SHISA9: variants seen among roughly 807,000 people sequenced by gnomAD.
SHISA9 encodes the protein shisa family member 9, also known as protein shisa-9.
SHISA9 carries 13 observed loss-of-function variants against 38.0 expected under a neutral mutation model. The observed-to-expected ratio is 0.34, with a 90% CI of 0.22 to 0.54. SHISA9 has a LOEUF of 0.54. Among genes scored for constraint, SHISA9 ranks in the 20% least tolerant of loss-of-function variants. The pLI is 0.91. For missense variants in SHISA9, 538 were observed against 575.8 expected (o/e 0.93, Z 0.67); for synonymous variants, 275 against 242.0 (o/e 1.14, Z -1.27).
the SHISA9 span, among the ~76,000 whole-genome samples, chr16:13,504,927 C>T: frequency 6.6e-6 from 1 of 152,146 alleles, no homozygotes; most frequent in Admixed American, 6.5e-5. Context: ...ACCCCACTTC[C>T]ATCCCACTGC....
intron 2 of SHISA9, among the ~76,000 whole-genome samples, chr16:13,008,328 G>A (rs1168624638): frequency 2.0e-5 from 3 of 152,096 alleles, no homozygotes. Flanking sequence ...CTGAACTGGG[G>A]CTTCCTGGGA....
the SHISA9 span, among the ~76,000 whole-genome samples, chr16:13,359,958 C>A: frequency 1.3e-5 from 2 of 152,286 alleles, no homozygotes; most frequent in Admixed American, 1.3e-4. Context: ...GATAGAGTTT[C>A]ATCTGTGCAT....
chr16:13,003,491 C>T (rs189130840), intron 2 of SHISA9, among the ~76,000 whole-genome samples: 24 of 152,278 alleles, frequency 1.6e-4, no homozygotes, highest in East Asian at 1.2e-3. Context: ...ACCTGTTCAG[C>T]GGGCATGAAA....
At chr16:13,514,182 A>G in the SHISA9 span, among the ~76,000 whole-genome samples, 2 of 152,080 alleles carry the variant, frequency 1.3e-5, no homozygotes, top group East Asian at 3.9e-4. Context: ...TTTAGTAGAG[A>G]TGGGGTTTCA....
At chr16:13,482,257 T>C in the SHISA9 span, among the ~76,000 whole-genome samples, 2 of 152,250 alleles carry the variant, frequency 1.3e-5, no homozygotes, top group Non-Finnish European at 2.9e-5. Context: ...TTTAACTGTA[T>C]CTACTGAAGA....
intron 2 of SHISA9, among the ~76,000 whole-genome samples, chr16:12,975,505 G>A (rs565174387): frequency 3.3e-5 from 5 of 152,004 alleles, no homozygotes; most frequent in African/African-American, 1.2e-4. Context: ...TCCATAAAAA[G>A]AAAGAAAGGA....
At chr16:13,023,522 C>A (rs574543358) in intron 2 of SHISA9, among the ~76,000 whole-genome samples, 2 of 152,110 alleles carry the variant, frequency 1.3e-5, no homozygotes, top group African/African-American at 4.8e-5. Flanking sequence ...TATAATCCTT[C>A]GGGTATATAC....
chr16:13,208,940 C>A (rs1325274807), intron 3 of SHISA9, among the ~76,000 whole-genome samples: 1 of 152,054 alleles, frequency 6.6e-6, no homozygotes, highest in Admixed American at 6.6e-5. Context: ...CTGAGAGGGG[C>A]CTTAGAGAAT....
At chr16:13,266,941 C>T in the SHISA9 span, among the ~76,000 whole-genome samples, 2 of 152,026 alleles carry the variant, frequency 1.3e-5, no homozygotes, top group East Asian at 1.9e-4. Context: ...AAAAAGAAAA[C>T]CTATGCCTTC....
the SHISA9 span, among the ~76,000 whole-genome samples, chr16:13,255,350 TTCTC>T: frequency 6.6e-6 from 1 of 152,176 alleles, no homozygotes. Context: ...CTGAAACACA[TTCTC>T]TCTGTTTGAC....
the SHISA9 span, among the ~76,000 whole-genome samples, chr16:13,261,874 T>C: frequency 6.6e-6 from 1 of 152,188 alleles, no homozygotes; most frequent in East Asian, 1.9e-4. Context: ...GAATTAGATA[T>C]GAGTATCCTC....
chr16:12,994,037 C>T (rs1222685220), intron 2 of SHISA9, among the ~76,000 whole-genome samples: 1 of 152,030 alleles, frequency 6.6e-6, no homozygotes, highest in Non-Finnish European at 1.5e-5. Context: ...GGCTAAAAAC[C>T]CCAGAGCTAG....
chr16:12,935,059 C>T (rs985274638), intron 2 of SHISA9, among the ~76,000 whole-genome samples: 26 of 152,152 alleles, frequency 1.7e-4, no homozygotes, highest in African/African-American at 5.8e-4. Flanking sequence ...GATTCTTAAA[C>T]TTGACGGTCT....
chr16:13,096,163 A>G (rs1035920353), intron 2 of SHISA9, among the ~76,000 whole-genome samples: 3 of 152,206 alleles, frequency 2.0e-5, no homozygotes, highest in Admixed American at 6.5e-5. Context: ...TATGTATGTC[A>G]TAGGATGATT....
chr16:12,911,452 C>G, intron 1 of SHISA9: 10 of 885,800 alleles, frequency 1.1e-5, no homozygotes, highest in Non-Finnish European at 1.4e-5. Context: ...CATGAACCCA[C>G]GAACAATGAT....
chr16:13,083,368 G>A (rs1211756076), intron 2 of SHISA9, among the ~76,000 whole-genome samples: 2 of 152,174 alleles, frequency 1.3e-5, no homozygotes, highest in African/African-American at 4.8e-5. Context: ...TCCATGAGAT[G>A]ATGTATGCAA....
intron 2 of SHISA9, among the ~76,000 whole-genome samples, chr16:13,195,722 G>A (rs2050931802): frequency 6.6e-6 from 1 of 152,150 alleles, no homozygotes; most frequent in Non-Finnish European, 1.5e-5. Flanking sequence ...TTATGAGAAT[G>A]TCACTTTACC....
intron 2 of SHISA9, among the ~76,000 whole-genome samples, chr16:12,950,262 T>A (rs1740172572): frequency 1.3e-5 from 2 of 152,240 alleles, no homozygotes; most frequent in South Asian, 4.1e-4. Flanking sequence ...TCTCTATCCA[T>A]TCTTTGGTGG....
intron 2 of SHISA9, among the ~76,000 whole-genome samples, chr16:13,150,667 G>A (rs1327199365): frequency 6.6e-6 from 1 of 152,142 alleles, no homozygotes; most frequent in Non-Finnish European, 1.5e-5. Context: ...TTAAAAGGAG[G>A]TGATTCATCT....
Sources: allele counts gnomAD v4.1 joint callset (sites outside exome capture counted in the v4.1 genomes callset), GRCh38; gene constraint gnomAD v4.1.1; transcripts MANE v1.5; gene names NCBI Gene and HGNC (gene_info 2026-07-23, HGNC 2026-07-21).